TET3: variants seen among roughly 807,000 people sequenced by gnomAD.
TET3 encodes methylcytosine dioxygenase TET3.
In TET3, 19 loss-of-function variants were observed where a neutral mutation model predicts 141.4. That is an observed-to-expected ratio of 0.13 (90% CI 0.09 to 0.20). TET3 has a LOEUF of 0.20. Among genes scored for constraint, TET3 ranks in the 10% least tolerant of loss-of-function variants. The pLI, the probability that TET3 is intolerant of heterozygous loss-of-function variation, is 1.00. For missense variants in TET3, 1,874 were observed against 2,356.9 expected, an observed-to-expected ratio of 0.80 and a Z score of 4.24; for synonymous variants, 1,043 against 980.9, an observed-to-expected ratio of 1.06 and a Z score of -1.18.
chr2:74,019,822 A>C (rs1685938835), intron 3 of TET3, among the ~76,000 whole-genome samples: 1 of 152,168 alleles, frequency 6.6e-6, no homozygotes. Flanking sequence ...GACATCAGGG[A>C]GGAGCCCTCT....
chr2:74,047,641 C>G lies in TET3; in HGVS notation c.1724C>G (p.Pro575Arg), dbSNP rs199648682. ...GTCCCACGGCTTCCAGACAGACCAC[C>G]CAAGGAGAAGAAGAAGAAGCTCCCA... ...SPVPRLPDRP[P>R]KEKKKKLPTP... The change falls in exon 4 of 12, where the codon CCC becomes CGC. Residue 575 changes from proline to arginine, a missense_variant. By Grantham distance (103) the Pro-to-Arg change is moderately radical. Coordinates refer to ENST00000409262, the MANE Select transcript of TET3 (RefSeq NM_001287491.2). The G allele has an allele frequency of 3.3e-5, 54 of 1,613,408 alleles. No homozygotes were observed. Among genetic ancestry groups the G allele is most frequent in the Non-Finnish European group, 4.4e-5 (52 of 1,179,704 alleles).
At chr2:74,113,719 A>G in the TET3 span, among the ~76,000 whole-genome samples, 17 of 152,314 alleles carry the variant, frequency 1.1e-4, no homozygotes, top group African/African-American at 3.8e-4. Context: ...AAAATAAAAT[A>G]AAATACCTAA....
At chr2:74,049,121 G>A (rs1021796403) in intron 4 of TET3, among the ~76,000 whole-genome samples, 21 of 152,140 alleles carry the variant, frequency 1.4e-4, no homozygotes, top group Non-Finnish European at 2.6e-4. Flanking sequence ...TGAAAGAGCC[G>A]GTGGCAGAGG....
chr2:74,007,353 A>G (rs1049408543), intron 3 of TET3, among the ~76,000 whole-genome samples: 13 of 152,226 alleles, frequency 8.5e-5, no homozygotes, highest in African/African-American at 2.4e-4. Context: ...TTTGTTTTCA[A>G]TTAAGTCATT....
At chr2:74,108,475 T>G (rs1003888303), downstream of TET3, among the ~76,000 whole-genome samples, 4 of 152,232 alleles carry the variant, frequency 2.6e-5, no homozygotes, top group Non-Finnish European at 5.9e-5. Flanking sequence ...TTCTTTCCAC[T>G]GGGAGATACC....
intron 4 of TET3, among the ~76,000 whole-genome samples, chr2:74,070,474 C>T (rs1372907892): frequency 6.6e-6 from 1 of 152,190 alleles, no homozygotes; most frequent in Non-Finnish European, 1.5e-5. Context: ...AGCTACAATT[C>T]AAGATGAGAT....
the TET3 span, chr2:74,122,511 A>ATTTTTTTTTTTTTTTTTTT: frequency 2.1e-5 from 1 of 47,556 alleles, no homozygotes; most frequent in Non-Finnish European, 3.8e-5. Context: ...ATATATATAT[A>ATTTTTTTTTTTTTTTTTTT]TTTTTTTTTT....
chr2:74,115,403 C>T, the TET3 span, among the ~76,000 whole-genome samples: 1 of 152,100 alleles, frequency 6.6e-6, no homozygotes, highest in South Asian at 2.1e-4. Context: ...GTATAACGGA[C>T]ATTAGAGACC....
chr2:74,086,788 C>G (rs983667071), intron 6 of TET3, among the ~76,000 whole-genome samples: 2 of 95,462 alleles, frequency 2.1e-5, no homozygotes, highest in Non-Finnish European at 4.3e-5. Flanking sequence ...AAGACCCTGA[C>G]TCTAAAAAAA....
rs1691329468 is a variant in TET3 at position 74,103,247 on chromosome 2, G to A, written c.*1071G>A. 1 of 152,578 alleles carries A rather than the reference G, an allele frequency of 6.6e-6. No homozygotes were observed. The highest frequency in any genetic ancestry group is 1.5e-5 in the Non-Finnish European group (1 of 68,150). The allele number at this position is 152,578 out of a possible 1,614,324, so 9.5% of individuals were successfully genotyped here. On this transcript the variant is annotated 3_prime_UTR_variant, in exon 12 of 12. Coordinates refer to ENST00000409262, the MANE Select transcript of TET3 (RefSeq NM_001287491.2). ...TGAACCCAAGCTGTGAAAAGCCAGT[G>A]GTGCTCTGTGCATGGTGCTGTGCGG...
At chr2:74,135,332 T>C in the TET3 span, 913 of 567,492 alleles carry the variant, frequency 1.6e-3, 4 homozygotes, top group Middle Eastern at 4.7e-3. Context: ...TCTCTCTCTG[T>C]AGCAGGACAG....
chr2:73,996,021 A>G (rs1490494457), intron 2 of TET3, among the ~76,000 whole-genome samples: 1 of 151,934 alleles, frequency 6.6e-6, no homozygotes, highest in South Asian at 2.1e-4. Flanking sequence ...TAGTGGGGAA[A>G]ATGACTCCTC....
In TET3 at chr2:74,003,156, C is replaced by T. The variant is rs1484016325; in HGVS notation, c.350C>T (p.Ala117Val). ...GEGAGPWGQG[A>V]AVKTGSELSP... The stretch of plus-strand genomic sequence containing the variant: ...GGAGCCGGGCCGTGGGGACAAGGAG[C>T]GGCTGTCAAGGTACCTTGTGTGTGT... Residue 117 changes from alanine to valine, a missense_variant, in exon 3 of 12, where the codon GCG becomes GTG. By Grantham distance (64) the Ala-to-Val change is moderately conservative. Coordinates refer to ENST00000409262, the MANE Select transcript of TET3 (RefSeq NM_001287491.2). 10 of 1,549,994 alleles carry T rather than the reference C, an allele frequency of 6.5e-6. No individual in the cohort carries two copies. Among genetic ancestry groups the T allele is most frequent in the African/African-American group, 4.1e-5 (3 of 72,900 alleles).
chr2:74,114,853 C>CAA, the TET3 span, among the ~76,000 whole-genome samples: 91 of 43,762 alleles, frequency 2.1e-3, 3 homozygotes, highest in Non-Finnish European at 2.6e-3. Flanking sequence ...GACTCTGTCT[C>CAA]AAAAAAAAAA....
rs1431794760 is a variant in TET3, at chr2:74,107,915, T to A, written c.*5739T>A. ...TTTATGCTGATAATTTTATTTTGTATAATTTTTACCTTTTTGTTAATATTT... is the reference window on the plus strand; with the variant it reads ...TTTATGCTGATAATTTTATTTTGTAAAATTTTTACCTTTTTGTTAATATTT... On this transcript the variant is annotated 3_prime_UTR_variant, in exon 12 of 12. Coordinates refer to ENST00000409262, the MANE Select transcript of TET3 (RefSeq NM_001287491.2). 1.3e-5 allele frequency: 2 copies of A among 152,760 alleles called. No individual in the cohort carries two copies. Among genetic ancestry groups the A allele is most frequent in the African/African-American group, 4.8e-5 (2 of 41,458 alleles). 9.5% of individuals were successfully genotyped at this position (152,760 alleles called of 1,614,324 possible). A position where few individuals can be genotyped will look rare whatever the true frequency, so the allele number is the denominator to read the frequency against.
At chr2:74,026,205 G>GC (rs1255802366) in intron 3 of TET3, among the ~76,000 whole-genome samples, 1 of 151,858 alleles carries the variant, frequency 6.6e-6, no homozygotes, top group Non-Finnish European at 1.5e-5. Context: ...GGCCATCGCT[G>GC]GGGGGAGAGA....
intron 6 of TET3, among the ~76,000 whole-genome samples, chr2:74,085,605 G>A (rs964992306): frequency 2.7e-5 from 4 of 149,968 alleles, no homozygotes; most frequent in African/African-American, 7.5e-5. Context: ...CAAAAGGAGT[G>A]CACAACCTAG....
Position 74,046,865 on chromosome 2 carries a change from A to T in TET3, c.948A>T (p.Pro316=), listed in dbSNP as rs745999928. The stretch of plus-strand genomic sequence containing the variant: ...TGCCTCCTGGTGAGGCCGGCCTCCC[A>T]GCACCAAGCACCAGGCCACTCCTCA... The part of the protein sequence containing the change: ...GPLPPGEAGL[P]APSTRPLLSS... Residue 316 remains proline, a synonymous_variant, in exon 4 of 12, where the codon CCA becomes CCT. Coordinates refer to ENST00000409262, the MANE Select transcript of TET3 (RefSeq NM_001287491.2). The surrounding 1 kb of genome is among the most constrained non-coding windows in gnomAD (Gnocchi z 4.3). 4.3e-6 allele frequency: 7 copies of T among 1,613,398 alleles called. No homozygotes were observed. The highest frequency in any genetic ancestry group is 5.9e-6 in the Non-Finnish European group (7 of 1,179,846).
In TET3 at chr2:74,046,846, C is replaced by T. The variant is rs1687651491; in HGVS notation, c.929C>T (p.Pro310Leu). The T allele has an allele frequency of 1.9e-6, 3 of 1,613,428 alleles. No individual in the cohort carries two copies. The South Asian group carries it at 3.3e-5, about 18-fold the overall frequency. The change falls in exon 4 of 12, where the codon CCT becomes CTT. Residue 310 changes from proline to leucine, a missense_variant. This residue lies in a region of TET3 where 366 missense variants were observed against 487.0 expected (regional missense o/e 0.75). Transcript: ENST00000409262. This position sits in a 1 kb window ranked among gnomAD's most constrained non-coding sequence, Gnocchi z 4.3. ...ERPRLPGPLP[P>L]GEAGLPAPST... is the part of the protein sequence containing the mutation. ...CCCAGGCTCCCAGGGCCTCTGCCTC[C>T]TGGTGAGGCCGGCCTCCCAGCACCA...
Sources: gnomAD v4.1 joint callset for allele counts (sites outside exome capture counted in the v4.1 genomes callset) on GRCh38, gnomAD v4.1.1 for gene constraint, gnomAD v4.1.1 regional missense constraint, Gnocchi (gnomAD v3.1) non-coding constraint, MANE v1.5 for transcripts, NCBI Gene and HGNC (gene_info 2026-07-23, HGNC 2026-07-21) for gene names.